The following NUP210L variants were observed in gnomAD, a reference collection of about 807,000 sequenced individuals.
NUP210L encodes the protein nuclear pore membrane glycoprotein 210-like.
Under a neutral mutation model 208.5 loss-of-function variants are expected in NUP210L, and 74 were observed. That is an observed-to-expected ratio of 0.35 (90% CI 0.29 to 0.43). NUP210L has a LOEUF of 0.43. Among genes scored for constraint, NUP210L ranks in the 20% least tolerant of loss-of-function variants. The pLI, the probability that NUP210L is intolerant of heterozygous loss-of-function variation, is 1.00. For missense variants in NUP210L, 1,843 were observed against 2,289.4 expected (o/e 0.81, Z 3.98); for synonymous variants, 780 against 816.9 (o/e 0.95, Z 0.77).
At chr1:154,110,780 C>T (rs891723610) in intron 12 of NUP210L, among the ~76,000 whole-genome samples, 3 of 150,826 alleles carry the variant, frequency 2.0e-5, no homozygotes, top group African/African-American at 4.9e-5. Context: ...TGGGAGACTG[C>T]GGCTGGAAGA....
chr1:154,045,835 A>C (rs1653144925), intron 27 of NUP210L, among the ~76,000 whole-genome samples: 1 of 152,090 alleles, frequency 6.6e-6, no homozygotes, highest in African/African-American at 2.4e-5. Flanking sequence ...AGTACAAAAA[A>C]TTAGCCAGGC....
At chr1:153,997,262 CTT>C (rs11358509) in intron 37 of NUP210L, among the ~76,000 whole-genome samples, 88 of 143,632 alleles carry the variant, frequency 6.1e-4, no homozygotes, top group Admixed American at 6.9e-4. Flanking sequence ...TCGCGCTGGC[CTT>C]TTTTTTTTTT....
chr1:154,111,084 C>T (rs974203058), intron 12 of NUP210L, among the ~76,000 whole-genome samples: 12 of 150,458 alleles, frequency 8.0e-5, no homozygotes, highest in African/African-American at 3.0e-4. Flanking sequence ...GAGAGATGAC[C>T]CAAATAAGTA....
chr1:154,072,522 T>G (rs554352262), intron 16 of NUP210L, among the ~76,000 whole-genome samples: 6 of 151,688 alleles, frequency 4.0e-5, no homozygotes, highest in Non-Finnish European at 5.9e-5. Context: ...TTAGTAGAGA[T>G]GGGGTTTCAC....
At chr1:154,071,972 T>TCG (rs200801815) in intron 16 of NUP210L, among the ~76,000 whole-genome samples, 1,550 of 139,374 alleles carry the variant, frequency 0.011, 13 homozygotes, top group Non-Finnish European at 0.017. Flanking sequence ...TAGTATTCCA[T>TCG]CGCGTGTGTG....
At chr1:154,066,926 G>T (rs964436377) in intron 17 of NUP210L, among the ~76,000 whole-genome samples, 2 of 152,104 alleles carry the variant, frequency 1.3e-5, no homozygotes, top group East Asian at 1.9e-4. Flanking sequence ...CCAATAACAG[G>T]CTCTGAAATT....
At chr1:154,012,909 C>T (rs919780612) in intron 33 of NUP210L, among the ~76,000 whole-genome samples, 8 of 147,220 alleles carry the variant, frequency 5.4e-5, no homozygotes, top group East Asian at 2.1e-4. Context: ...AGGAGGCTGA[C>T]GCAGGAGAAT....
chr1:154,059,382 C>T (rs1654026985), intron 20 of NUP210L, among the ~76,000 whole-genome samples: 1 of 151,986 alleles, frequency 6.6e-6, no homozygotes, highest in Admixed American at 6.6e-5. Flanking sequence ...ACCTATAATC[C>T]CAGCTACTCA....
chr1:154,037,692 T>G (rs1289699423), intron 27 of NUP210L, among the ~76,000 whole-genome samples: 1 of 152,120 alleles, frequency 6.6e-6, no homozygotes, highest in Non-Finnish European at 1.5e-5. Context: ...TTTTTTGAGA[T>G]GGAGACTTGC....
exon 13 of NUP210L, chr1:154,104,108 T>C: frequency 6.2e-7 from 1 of 1,614,134 alleles, no homozygotes; most frequent in South Asian, 1.1e-5. Flanking sequence ...TTGGTCTCTT[T>C]ATTTATGTGA....
At chr1:154,061,462 G>A in intron 18 of NUP210L, 124 bp downstream of exon 18, 2 of 502,792 alleles carry the variant, frequency 4.0e-6, no homozygotes, top group Non-Finnish European at 6.9e-6. Flanking sequence ...CTCTCTCAAG[G>A]GCCAAAATAA....
At chr1:154,153,227 A>AT (rs1659490841) in intron 1 of NUP210L, among the ~76,000 whole-genome samples, 1 of 152,188 alleles carries the variant, frequency 6.6e-6, no homozygotes, top group African/African-American at 2.4e-5. Flanking sequence ...CAGGCTTCTG[A>AT]TATCTAGGAT....
At chr1:154,047,905 C>T (rs576624596) in intron 25 of NUP210L, among the ~76,000 whole-genome samples, 95 of 152,108 alleles carry the variant, frequency 6.2e-4, no homozygotes, top group Middle Eastern at 3.4e-3. Flanking sequence ...ATTGGAGCGA[C>T]GGTTGGAGAA....
chr1:154,000,664 G>A (rs1305029594), intron 37 of NUP210L, among the ~76,000 whole-genome samples, 192 bp downstream of exon 37: 3 of 152,198 alleles, frequency 2.0e-5, no homozygotes, highest in Non-Finnish European at 2.9e-5. Context: ...AGGACAGTGT[G>A]AGATTTCCTC....
intron 16 of NUP210L, among the ~76,000 whole-genome samples, chr1:154,072,148 T>C (rs2148014794): frequency 6.6e-6 from 1 of 152,192 alleles, no homozygotes; most frequent in East Asian, 1.9e-4. Flanking sequence ...TACCCAGCAC[T>C]GGGATTGCTG....
At chr1:154,044,686 C>T (rs911199234) in intron 27 of NUP210L, among the ~76,000 whole-genome samples, 4 of 152,234 alleles carry the variant, frequency 2.6e-5, no homozygotes, top group Non-Finnish European at 5.9e-5. Flanking sequence ...TCTATTATCT[C>T]CCAAGATATA....
chr1:154,003,230 C>T (rs1650319913), intron 35 of NUP210L, among the ~76,000 whole-genome samples: 1 of 150,630 alleles, frequency 6.6e-6, no homozygotes, highest in African/African-American at 2.4e-5. Flanking sequence ...ATTTTTGAGA[C>T]AGAGTCTCGC....
At chr1:154,143,834 T>C (rs1466532135) in intron 2 of NUP210L, among the ~76,000 whole-genome samples, 1 of 152,134 alleles carries the variant, frequency 6.6e-6, no homozygotes, top group Non-Finnish European at 1.5e-5. Context: ...ATAAAAATTG[T>C]AATATTTTTC....
intron 27 of NUP210L, among the ~76,000 whole-genome samples, chr1:154,041,250 C>T (rs1652861535): frequency 6.6e-6 from 1 of 152,210 alleles, no homozygotes; most frequent in Admixed American, 6.5e-5. Flanking sequence ...CAGGCGTGAG[C>T]CACCGAGCCT....
Sources: allele counts gnomAD v4.1 joint callset (sites outside exome capture counted in the v4.1 genomes callset), GRCh38; gene constraint gnomAD v4.1.1; transcripts MANE v1.5; gene names NCBI Gene and HGNC (gene_info 2026-07-23, HGNC 2026-07-21).